ADAM12: variants seen among roughly 807,000 people sequenced by gnomAD.
ADAM12 encodes the protein ADAM metallopeptidase domain 12, also known as disintegrin and metalloproteinase domain-containing protein 12.
Under a neutral mutation model 106.4 loss-of-function variants are expected in ADAM12, and 70 were observed. That is an observed-to-expected ratio of 0.66 (90% CI 0.54 to 0.80). The LOEUF (loss-of-function observed/expected upper bound fraction) is 0.80, where lower values mean the gene tolerates loss of function less well. Among genes scored for constraint, ADAM12 ranks in the 30% least tolerant of loss-of-function variants. The pLI, the probability that ADAM12 is intolerant of heterozygous loss-of-function variation, is 0.00. For missense variants in ADAM12, 1,010 were observed against 1,171.9 expected (o/e 0.86, Z 2.02); for synonymous variants, 420 against 433.5 (o/e 0.97, Z 0.39).
At chr10:126,239,491 T>C (rs1285096647) in intron 3 of ADAM12, among the ~76,000 whole-genome samples, 4 of 152,228 alleles carry the variant, frequency 2.6e-5, no homozygotes, top group South Asian at 2.1e-4. Context: ...TCTAGACCAA[T>C]GTACAGCTCA....
chr10:126,129,933 CCTT>C (rs1554973333), intron 5 of ADAM12, among the ~76,000 whole-genome samples: 1 of 152,178 alleles, frequency 6.6e-6, no homozygotes, highest in Non-Finnish European at 1.5e-5. Flanking sequence ...TTAATTCCCT[CCTT>C]CTTCTATGTT....
chr10:126,332,133 G>A (rs1355417307), intron 1 of ADAM12, among the ~76,000 whole-genome samples: 1 of 152,170 alleles, frequency 6.6e-6, no homozygotes, highest in African/African-American at 2.4e-5. Context: ...TGTGTCCCAC[G>A]TGTTTACTCA....
At chr10:126,382,399 C>T (rs1252817713) in intron 1 of ADAM12, among the ~76,000 whole-genome samples, 1 of 152,144 alleles carries the variant, frequency 6.6e-6, no homozygotes. Flanking sequence ...AAGTGCTAAA[C>T]GGAAAACAAA....
chr10:126,042,290 A>G, intron 18 of ADAM12: 1 of 1,599,500 alleles, frequency 6.3e-7, no homozygotes, highest in Non-Finnish European at 8.5e-7. Flanking sequence ...CCCAATAAGA[A>G]CTCAGAGAAA....
At chr10:126,364,114 AG>A (rs1855831194) in intron 1 of ADAM12, among the ~76,000 whole-genome samples, 1 of 152,176 alleles carries the variant, frequency 6.6e-6, no homozygotes, top group Admixed American at 6.5e-5. Context: ...GTCTAAAAAA[AG>A]TTAATAAAAT....
chr10:126,214,952 C>T (rs1042781454), intron 3 of ADAM12, among the ~76,000 whole-genome samples: 3 of 152,204 alleles, frequency 2.0e-5, no homozygotes, highest in Non-Finnish European at 2.9e-5. Context: ...TCTCATCCAC[C>T]TGGGAGAGTC....
intron 6 of ADAM12, among the ~76,000 whole-genome samples, chr10:126,112,281 C>A (rs977077133): frequency 1.3e-5 from 2 of 150,248 alleles, no homozygotes; most frequent in African/African-American, 2.4e-5. Flanking sequence ...CAGCAAACCA[C>A]CATGGCACAC....
intron 1 of ADAM12, among the ~76,000 whole-genome samples, chr10:126,384,619 T>G (rs1220899867): frequency 6.6e-6 from 1 of 152,084 alleles, no homozygotes; most frequent in Admixed American, 6.5e-5. Flanking sequence ...CTAGACTACC[T>G]GATGTGTTGG....
At chr10:126,241,002 G>T (rs1958511867) in intron 3 of ADAM12, among the ~76,000 whole-genome samples, 1 of 152,254 alleles carries the variant, frequency 6.6e-6, no homozygotes, top group South Asian at 2.1e-4. Context: ...AATGGGGCAT[G>T]TCCATAATGT....
At chr10:126,275,330 G>A (rs1049610458) in intron 3 of ADAM12, among the ~76,000 whole-genome samples, 1 of 152,188 alleles carries the variant, frequency 6.6e-6, no homozygotes, top group Non-Finnish European at 1.5e-5. Context: ...GGTTTCTACA[G>A]GTCCATAGGC....
Position 126,053,255 on chromosome 10 carries a change from A to G in ADAM12, c.1610-3586T>C, listed in dbSNP as rs1954549736. On this transcript the variant is annotated intron_variant, in intron 14 of 22. Coordinates refer to ENST00000448723, the MANE Select transcript of ADAM12 (RefSeq NM_001288973.2). This position sits in a 1 kb window ranked among gnomAD's most constrained non-coding sequence, Gnocchi z 4.6. The stretch of plus-strand genomic sequence containing the variant: ...AAGCCTGCAGAACCAAGAACCAATT[A>G]AACCTTTTTTCTTTATAAATTACCC... 1.3e-5 allele frequency among the ~76,000 whole-genome samples: 2 copies of G among 152,168 alleles called. No homozygotes were observed. The highest frequency in any genetic ancestry group is 4.8e-5 in the African/African-American group (2 of 41,440).
chr10:126,363,917 G>A (rs528907786), intron 1 of ADAM12, among the ~76,000 whole-genome samples: 1 of 152,120 alleles, frequency 6.6e-6, no homozygotes, highest in African/African-American at 2.4e-5. Context: ...GAACACTAGG[G>A]AATTAAATTC....
chr10:126,281,189 A>G (rs568095785), intron 2 of ADAM12, among the ~76,000 whole-genome samples: 4 of 152,322 alleles, frequency 2.6e-5, no homozygotes, highest in Non-Finnish European at 4.4e-5. Context: ...AAAATATTAG[A>G]ACAAAATATG....
intron 3 of ADAM12, among the ~76,000 whole-genome samples, chr10:126,261,293 G>C (rs1958996943): frequency 6.6e-6 from 1 of 152,132 alleles, no homozygotes; most frequent in African/African-American, 2.4e-5. Flanking sequence ...CTGAGGACAG[G>C]AGATTGAAAC....
intron 1 of ADAM12, among the ~76,000 whole-genome samples, chr10:126,369,064 C>T (rs973454161): frequency 2.0e-5 from 3 of 152,140 alleles, no homozygotes; most frequent in South Asian, 2.1e-4. Context: ...ATGTTCCTTT[C>T]GTATCACTAA....
At chr10:126,044,749 A>G (rs1166021678) in intron 17 of ADAM12, among the ~76,000 whole-genome samples, 1 of 152,242 alleles carries the variant, frequency 6.6e-6, no homozygotes, top group Admixed American at 6.5e-5. Flanking sequence ...ATAGGCTTTA[A>G]TAAGTTAGAA....
chr10:126,085,840 C>T (rs1213163730), intron 11 of ADAM12, among the ~76,000 whole-genome samples: 1 of 152,190 alleles, frequency 6.6e-6, no homozygotes, highest in Non-Finnish European at 1.5e-5. Context: ...AGGCACTGTT[C>T]TAGGTGCTGG....
At chr10:126,364,402 T>G (rs1855843311) in intron 1 of ADAM12, among the ~76,000 whole-genome samples, 1 of 152,134 alleles carries the variant, frequency 6.6e-6, no homozygotes, top group Admixed American at 6.6e-5. Flanking sequence ...ATATGATTAG[T>G]TACCTAGGAA....
intron 3 of ADAM12, among the ~76,000 whole-genome samples, chr10:126,249,598 G>T (rs550546382): frequency 6.6e-5 from 10 of 152,306 alleles, no homozygotes; most frequent in African/African-American, 2.4e-4. Context: ...CAGCTACTTG[G>T]GAGGCTGAGG....
Sources: gnomAD v4.1 joint callset for allele counts (sites outside exome capture counted in the v4.1 genomes callset) on GRCh38, gnomAD v4.1.1 for gene constraint, Gnocchi (gnomAD v3.1) non-coding constraint, MANE v1.5 for transcripts, NCBI Gene and HGNC (gene_info 2026-07-23, HGNC 2026-07-21) for gene names.